The following FABP12 variants were observed in gnomAD, a reference collection of about 807,000 sequenced individuals.
The protein encoded by FABP12 is fatty acid binding protein 12, also known as fatty acid-binding protein 12.
FABP12 carries 19 observed loss-of-function variants against 13.7 expected under a neutral mutation model. The ratio of observed to expected loss-of-function variants is 1.39; its 90% CI spans 0.97 to 2.04. The LOEUF (loss-of-function observed/expected upper bound fraction) is 2.04. Among genes scored for constraint, FABP12 ranks in the 30% most tolerant of loss-of-function variants. The probability of loss-of-function intolerance (pLI) is 0.00; values close to 1 mark genes in which losing one functional copy is unlikely to be tolerated. For synonymous variants in FABP12, 61 were observed against 57.0 expected (o/e 1.07, Z -0.32); for missense variants, 182 against 164.2 (o/e 1.11, Z -0.59).
At chr8:81,558,459 C>A (rs1224715563) in intron 1 of FABP12, among the ~76,000 whole-genome samples, 1 of 152,186 alleles carries the variant, frequency 6.6e-6, no homozygotes, top group Non-Finnish European at 1.5e-5. Flanking sequence ...CACAGTGAGC[C>A]AGCCCTGCCT....
chr8:81,561,728 G>A (rs979281423), intron 1 of FABP12, among the ~76,000 whole-genome samples: 1 of 152,186 alleles, frequency 6.6e-6, no homozygotes, highest in Non-Finnish European at 1.5e-5. Context: ...CTCAGCCGGT[G>A]CCCACAGAGG....
chr8:81,566,605 T>A (rs566947542), intron 1 of FABP12, among the ~76,000 whole-genome samples: 4 of 151,780 alleles, frequency 2.6e-5, no homozygotes, highest in Non-Finnish European at 4.4e-5. Context: ...AATCATTTAA[T>A]AAAATTCAAA....
At chr8:81,528,180 A>G (rs925470974) in intron 3 of FABP12, among the ~76,000 whole-genome samples, 2 of 152,088 alleles carry the variant, frequency 1.3e-5, no homozygotes, top group Non-Finnish European at 2.9e-5. Context: ...CCTGTGCTCC[A>G]GCAATCCTCC....
intron 1 of FABP12, among the ~76,000 whole-genome samples, chr8:81,579,976 GCTGTAAACATA>G (rs1810129812): frequency 6.6e-6 from 1 of 152,128 alleles, no homozygotes; most frequent in African/African-American, 2.4e-5. Flanking sequence ...ACAAAACTGA[GCTGTAAACATA>G]CTGGTTTAAA....
At chr8:81,557,253 C>G (rs570508755) in intron 1 of FABP12, among the ~76,000 whole-genome samples, 20 of 152,142 alleles carry the variant, frequency 1.3e-4, no homozygotes, top group Non-Finnish European at 2.8e-4. Context: ...CATACTGAGT[C>G]AAACCCATTT....
In FABP12 at chr8:81,555,265, A is replaced by G. The variant is rs540722528; in HGVS notation, c.-184-15522T>C. Among the ~76,000 whole-genome samples the G allele has an allele frequency of 7.9e-5, 12 of 152,364 alleles. No individual in the cohort carries two copies. In the South Asian group the frequency reaches 2.3e-3, roughly 29 times the overall value. On this transcript the variant is annotated intron_variant, in intron 1 of 5. Transcript: ENST00000692030. ...CTGTGCCAGACATTGTTCTAGGCAC[A>G]GGAGAGAACAAGACAAAGACCCATA... is the stretch of plus-strand genomic sequence containing the variant.
chr8:81,571,103 G>A (rs1383702561), intron 1 of FABP12, among the ~76,000 whole-genome samples: 1 of 152,206 alleles, frequency 6.6e-6, no homozygotes, highest in African/African-American at 2.4e-5. Flanking sequence ...AGGTCTGGAG[G>A]AGGCCAAAGT....
intron 1 of FABP12, among the ~76,000 whole-genome samples, chr8:81,570,217 G>C (rs983587120): frequency 6.6e-6 from 1 of 152,224 alleles, no homozygotes; most frequent in Non-Finnish European, 1.5e-5. Flanking sequence ...TCACAGCCCT[G>C]GCTGAGGGAG....
chr8:81,553,442 T>C (rs113218912), intron 1 of FABP12, among the ~76,000 whole-genome samples: 26 of 152,330 alleles, frequency 1.7e-4, no homozygotes, highest in African/African-American at 6.0e-4. Context: ...TGTACCAATT[T>C]ATACTATATT....
intron 1 of FABP12, 44 bp from the exon 2 acceptor site, chr8:81,531,434 G>A: frequency 3.1e-6 from 2 of 635,106 alleles, no homozygotes. Flanking sequence ...GATGAGAAAA[G>A]TTAGGAAATA....
intron 1 of FABP12, among the ~76,000 whole-genome samples, chr8:81,589,766 C>G (rs1377555089): frequency 6.6e-6 from 1 of 152,202 alleles, no homozygotes; most frequent in Non-Finnish European, 1.5e-5. Context: ...CTTTTCCCCT[C>G]TGTGCAGGCA....
At chr8:81,562,587 A>G (rs1809742984) in intron 1 of FABP12, among the ~76,000 whole-genome samples, 1 of 152,046 alleles carries the variant, frequency 6.6e-6, no homozygotes, top group African/African-American at 2.4e-5. Context: ...CCACAGCTTG[A>G]CTGAAGAGCC....
chr8:81,589,175 T>C (rs967591982), intron 1 of FABP12, among the ~76,000 whole-genome samples: 1 of 152,220 alleles, frequency 6.6e-6, no homozygotes, highest in African/African-American at 2.4e-5. Flanking sequence ...ACTGGATAGT[T>C]GGATCTTGCC....
chr8:81,579,788 A>T (rs1324742816), intron 1 of FABP12, among the ~76,000 whole-genome samples: 1 of 152,232 alleles, frequency 6.6e-6, no homozygotes, highest in Non-Finnish European at 1.5e-5. Flanking sequence ...ATGTAAAGTC[A>T]AAGGTTTAAC....
intron 1 of FABP12, among the ~76,000 whole-genome samples, chr8:81,582,914 A>G (rs972242930): frequency 3.3e-5 from 5 of 152,234 alleles, no homozygotes; most frequent in African/African-American, 1.2e-4. Context: ...TATTCTTCTC[A>G]GTACATGGGA....
In FABP12 at chr8:81,541,730, G is replaced by A. The variant is rs1055223944; in HGVS notation, c.-184-1987C>T. Among the ~76,000 whole-genome samples, 5 of 151,878 alleles carry A rather than the reference G, an allele frequency of 3.3e-5. No individual in the cohort carries two copies. In the East Asian group the frequency reaches 9.6e-4, roughly 29 times the overall value. On this transcript the variant is annotated intron_variant, in intron 1 of 5. Transcript: ENST00000692030. ...AGTACTGCCTTCTAGAAGTCTCCAT[G>A]TGTCTCCCATGCTGACGATACTTGG... is the stretch of plus-strand genomic sequence containing the variant.
chr8:81,526,613 A>C (rs1563540739), intron 4 of FABP12: 1 of 158,284 alleles, frequency 6.3e-6, no homozygotes, highest in Non-Finnish European at 1.4e-5. Flanking sequence ...CCAAAAAAAC[A>C]CCACTTCAGC....
At position 81,565,276 on chromosome 8, in the gene FABP12, T is replaced by A. The variant is rs533267503; in HGVS notation, c.-185+24777A>T. On this transcript the variant is annotated intron_variant, in intron 1 of 5. Transcript: ENST00000692030. ...GCCCCATATTCAGAATTAGACAGAC[T>A]ATCCAGACAGAAAAATCAGCAAAGA... 2.0e-5 allele frequency among the ~76,000 whole-genome samples: 3 copies of A among 152,160 alleles called. No homozygotes were observed. The South Asian group carries it at 6.2e-4, about 32-fold the overall frequency.
At chr8:81,576,565 AT>A (rs1226193613) in intron 1 of FABP12, among the ~76,000 whole-genome samples, 1 of 152,006 alleles carries the variant, frequency 6.6e-6, no homozygotes, top group African/African-American at 2.4e-5. Context: ...CTGCACCTTG[AT>A]TTTTCCACTT....
Sources: gnomAD v4.1 joint callset for allele counts (sites outside exome capture counted in the v4.1 genomes callset) on GRCh38, gnomAD v4.1.1 for gene constraint, MANE v1.5 for transcripts, NCBI Gene and HGNC (gene_info 2026-07-23, HGNC 2026-07-21) for gene names.